The following ADGB variants were observed in gnomAD, a reference collection of about 807,000 sequenced individuals.
ADGB encodes the protein calpain-7-like protein.
A neutral mutation model predicts 210.5 loss-of-function variants in ADGB; 172 were observed. That is an observed-to-expected ratio of 0.82 (90% CI 0.72 to 0.93). ADGB has a LOEUF of 0.93. ADGB is among the 40% of genes least tolerant of loss of function. The pLI is 0.00. For synonymous variants in ADGB, 658 were observed against 662.7 expected, an observed-to-expected ratio of 0.99 and a Z score of 0.11; for missense variants, 2,025 against 1,964.8, an observed-to-expected ratio of 1.03 and a Z score of -0.58.
chr6:146,774,677 A>G (rs896848670), intron 29 of ADGB, among the ~76,000 whole-genome samples: 2 of 152,222 alleles, frequency 1.3e-5, no homozygotes, highest in Non-Finnish European at 2.9e-5. Flanking sequence ...GCATGTCTAT[A>G]TGTCAGCTGC....
intron 33 of ADGB, among the ~76,000 whole-genome samples, chr6:146,793,992 A>G (rs1350114171): frequency 6.6e-6 from 1 of 152,180 alleles, no homozygotes; most frequent in Non-Finnish European, 1.5e-5. Flanking sequence ...AGTGTGTGGT[A>G]GTAGGATAAT....
chr6:146,620,996 G>C (rs192713857), intron 1 of ADGB, among the ~76,000 whole-genome samples: 60 of 152,118 alleles, frequency 3.9e-4, no homozygotes, highest in African/African-American at 1.4e-3. Context: ...TTCCATCCTG[G>C]GAAGAACTTA....
intron 13 of ADGB, among the ~76,000 whole-genome samples, chr6:146,707,305 T>C (rs1453226813): frequency 2.6e-5 from 4 of 152,220 alleles, no homozygotes; most frequent in Non-Finnish European, 5.9e-5. Flanking sequence ...GAATGTGTAT[T>C]CCACTGCTGC....
At chr6:146,706,845 G>GTTTTTTTTTTTTTT (rs34520729) in intron 13 of ADGB, among the ~76,000 whole-genome samples, 2 of 100,734 alleles carry the variant, frequency 2.0e-5, no homozygotes, top group African/African-American at 4.4e-5. Context: ...TCAGCTTAGT[G>GTTTTTTTTTTTTTT]TTTTTTTTTT....
At chr6:146,803,513 G>A in intron 35 of ADGB, 2 of 1,598,638 alleles carry the variant, frequency 1.3e-6, no homozygotes, top group Admixed American at 1.7e-5. Flanking sequence ...ATCACTTTAC[G>A]AAGTTTATCT....
intron 7 of ADGB, among the ~76,000 whole-genome samples, chr6:146,669,932 T>G (rs1583582619): frequency 6.6e-6 from 1 of 152,112 alleles, no homozygotes. Context: ...ATCATCTCAG[T>G]GAATTTCACT....
chr6:146,637,598 A>G (rs575337468), intron 2 of ADGB, among the ~76,000 whole-genome samples: 1 of 152,126 alleles, frequency 6.6e-6, no homozygotes, highest in South Asian at 2.1e-4. Context: ...AGCATTCTGT[A>G]TAAAGTAAGG....
chr6:146,778,489 A>G (rs528379046), intron 29 of ADGB, among the ~76,000 whole-genome samples: 2 of 152,290 alleles, frequency 1.3e-5, no homozygotes, highest in South Asian at 2.1e-4. Context: ...GTGGTTTTCT[A>G]TAAAAATCTT....
At chr6:146,603,481 G>T (rs910101729) in intron 1 of ADGB, among the ~76,000 whole-genome samples, 1 of 152,082 alleles carries the variant, frequency 6.6e-6, no homozygotes, top group African/African-American at 2.4e-5. Context: ...TTGAGATAGG[G>T]ACACAATTTG....
At chr6:146,626,867 T>A (rs34714849) in intron 1 of ADGB, among the ~76,000 whole-genome samples, 1 of 151,934 alleles carries the variant, frequency 6.6e-6, no homozygotes, top group African/African-American at 2.4e-5. Context: ...CTTTAATCCC[T>A]TCTTGGTGAC....
chr6:146,765,801 G>A (rs1777564315), intron 28 of ADGB, among the ~76,000 whole-genome samples: 1 of 151,466 alleles, frequency 6.6e-6, no homozygotes, highest in African/African-American at 2.4e-5. Context: ...AAAAACAAAT[G>A]AGCTAAGCTA....
intron 2 of ADGB, among the ~76,000 whole-genome samples, chr6:146,637,159 A>G (rs1775437435): frequency 6.6e-6 from 1 of 152,054 alleles, no homozygotes; most frequent in South Asian, 2.1e-4. Context: ...CAACAAGGTC[A>G]GTTCCACATT....
At chr6:146,787,440 C>T (rs1777888165) in intron 32 of ADGB, among the ~76,000 whole-genome samples, 1 of 152,090 alleles carries the variant, frequency 6.6e-6, no homozygotes, top group Non-Finnish European at 1.5e-5. Flanking sequence ...TATTTTATTT[C>T]TTACTGTGCC....
chr6:146,699,118 A>G (rs946785515), intron 12 of ADGB, among the ~76,000 whole-genome samples: 3 of 152,142 alleles, frequency 2.0e-5, no homozygotes, highest in Non-Finnish European at 4.4e-5. Flanking sequence ...TGCGGAATAT[A>G]GACATCGACA....
chr6:146,686,654 C>T (rs1425441527), intron 10 of ADGB, among the ~76,000 whole-genome samples: 1 of 152,050 alleles, frequency 6.6e-6, no homozygotes. Context: ...TTTTCTCCTT[C>T]CCTTGTGATG....
chr6:146,618,298 CTATT>C (rs1468930528), intron 1 of ADGB, among the ~76,000 whole-genome samples: 1 of 150,522 alleles, frequency 6.6e-6, no homozygotes, highest in Non-Finnish European at 1.5e-5. Flanking sequence ...AAAAGTTTCT[CTATT>C]TGTTTTATCT....
chr6:146,717,339 C>A (rs1776750923), intron 15 of ADGB, among the ~76,000 whole-genome samples, 197 bp from the exon 16 acceptor site: 1 of 152,100 alleles, frequency 6.6e-6, no homozygotes, highest in South Asian at 2.1e-4. Flanking sequence ...GCAGCTTTTC[C>A]TCAAAGGCTT....
chr6:146,781,169 T>TAAAAA (rs1777793152), intron 29 of ADGB, among the ~76,000 whole-genome samples: 1 of 9,788 alleles, frequency 1.0e-4, no homozygotes, highest in African/African-American at 4.6e-4. Context: ...CTACTAAAAA[T>TAAAAA]ACAAAAAAAA....
At chr6:146,755,689 G>T (rs556246834) in intron 27 of ADGB, among the ~76,000 whole-genome samples, 1 of 152,086 alleles carries the variant, frequency 6.6e-6, no homozygotes, top group African/African-American at 2.4e-5. Flanking sequence ...CAAGATTCTT[G>T]TCTCTAAAAT....
Sources: allele counts gnomAD v4.1 joint callset (sites outside exome capture counted in the v4.1 genomes callset), GRCh38; gene constraint gnomAD v4.1.1; transcripts MANE v1.5; gene names NCBI Gene and HGNC (gene_info 2026-07-23, HGNC 2026-07-21).